Variants in TTLL11 observed in about 807,000 individuals in gnomAD.
TTLL11 encodes tubulin polyglutamylase TTLL11.
TTLL11 carries 42 observed loss-of-function variants against 51.7 expected under a neutral mutation model. The ratio of observed to expected loss-of-function variants is 0.81; its 90% confidence interval spans 0.64 to 1.05. The LOEUF (loss-of-function observed/expected upper bound fraction) is 1.05. Ranked by LOEUF, TTLL11 falls within the 50% of genes least tolerant of loss-of-function variation. The pLI, the probability that TTLL11 is intolerant of heterozygous loss-of-function variation, is 0.00. For missense variants in TTLL11, 799 were observed against 940.4 expected (o/e 0.85, Z 1.97); for synonymous variants, 381 against 383.5 (o/e 0.99, Z 0.08).
At chr9:121,952,271 C>T (rs753749904) in intron 6 of TTLL11, among the ~76,000 whole-genome samples, 1 of 151,946 alleles carries the variant, frequency 6.6e-6, no homozygotes, top group Non-Finnish European at 1.5e-5. Context: ...ACAGTGAAAC[C>T]CAGTCTCTAC....
At chr9:121,863,015 C>A (rs1838063061) in intron 7 of TTLL11, among the ~76,000 whole-genome samples, 1 of 152,130 alleles carries the variant, frequency 6.6e-6, no homozygotes. Context: ...CCTTGTATGC[C>A]AGCACACTTT....
At chr9:121,962,349 T>C (rs1171398356) in intron 6 of TTLL11, among the ~76,000 whole-genome samples, 1 of 152,172 alleles carries the variant, frequency 6.6e-6, no homozygotes, top group Non-Finnish European at 1.5e-5. Flanking sequence ...GGAACTATGA[T>C]GGGTGGTCCT....
At chr9:122,026,988 G>T (rs1009532584) in intron 3 of TTLL11, among the ~76,000 whole-genome samples, 1 of 151,840 alleles carries the variant, frequency 6.6e-6, no homozygotes, top group Non-Finnish European at 1.5e-5. Flanking sequence ...CTGAGACTGG[G>T]TAATTTATAA....
chr9:121,917,578 G>A (rs116800006), intron 6 of TTLL11, among the ~76,000 whole-genome samples: 2,767 of 134,734 alleles, frequency 0.021, 98 homozygotes, highest in African/African-American at 0.071. Flanking sequence ...AGAAAGAAAG[G>A]AAGGAAAAGA....
intron 3 of TTLL11, among the ~76,000 whole-genome samples, chr9:122,007,201 G>GA (rs962840367): frequency 6.6e-6 from 1 of 152,044 alleles, no homozygotes; most frequent in Non-Finnish European, 1.5e-5. Context: ...CTCATGAAAA[G>GA]AAACCAGGCT....
At chr9:122,023,094 AAC>A (rs1229325867) in intron 3 of TTLL11, among the ~76,000 whole-genome samples, 2 of 152,006 alleles carry the variant, frequency 1.3e-5, no homozygotes, top group Non-Finnish European at 2.9e-5. Flanking sequence ...AAAAATAAAA[AAC>A]ACAGATTACA....
chr9:122,044,260 G>T (rs1844937228), intron 1 of TTLL11, among the ~76,000 whole-genome samples: 1 of 152,048 alleles, frequency 6.6e-6, no homozygotes, highest in Admixed American at 6.5e-5. Flanking sequence ...GTCTATCATT[G>T]TTGGACATTT....
At chr9:121,906,199 C>T (rs1839939621) in intron 6 of TTLL11, among the ~76,000 whole-genome samples, 1 of 152,080 alleles carries the variant, frequency 6.6e-6, no homozygotes, top group Non-Finnish European at 1.5e-5. Context: ...ATTTTTTAGA[C>T]TCTTCTCCTC....
chr9:122,023,202 G>C (rs935418949), intron 3 of TTLL11, among the ~76,000 whole-genome samples: 2 of 151,854 alleles, frequency 1.3e-5, no homozygotes, highest in African/African-American at 4.8e-5. Context: ...TGAAAACTTA[G>C]AAAAAGTAGA....
chr9:121,953,977 A>C (rs1841939974), intron 6 of TTLL11, among the ~76,000 whole-genome samples: 1 of 152,212 alleles, frequency 6.6e-6, no homozygotes, highest in Admixed American at 6.5e-5. Context: ...TCAGTAGTCA[A>C]GCCCAAGCCC....
chr9:121,947,030 T>C (rs4837917), intron 6 of TTLL11, among the ~76,000 whole-genome samples: 34,275 of 151,982 alleles, frequency 0.23, 4,378 homozygotes, highest in Non-Finnish European at 0.3. Flanking sequence ...GAAACTCAGA[T>C]TAAAGATCCT....
intron 6 of TTLL11, among the ~76,000 whole-genome samples, chr9:121,894,875 G>A (rs1022082036): frequency 6.6e-6 from 1 of 152,086 alleles, no homozygotes; most frequent in African/African-American, 2.4e-5. Flanking sequence ...TTCTGCACGT[G>A]TATCCCAGAA....
chr9:122,031,034 C>A (rs751824300), intron 3 of TTLL11, among the ~76,000 whole-genome samples: 1 of 152,180 alleles, frequency 6.6e-6, no homozygotes, highest in African/African-American at 2.4e-5. Context: ...AGCCTTATCA[C>A]AATTAGACAG....
At chr9:121,936,654 C>T (rs1216141877) in intron 6 of TTLL11, among the ~76,000 whole-genome samples, 3 of 152,096 alleles carry the variant, frequency 2.0e-5, no homozygotes, top group East Asian at 1.9e-4. Context: ...AGAGCAGGCT[C>T]GTGCTAGAAA....
intron 6 of TTLL11, among the ~76,000 whole-genome samples, chr9:121,946,757 C>G (rs1209554514): frequency 1.3e-5 from 2 of 152,038 alleles, no homozygotes; most frequent in Admixed American, 6.5e-5. Flanking sequence ...TTTTTAAAAC[C>G]ATGTTCAGGC....
intron 6 of TTLL11, among the ~76,000 whole-genome samples, chr9:121,965,333 G>C (rs1842367831): frequency 6.6e-6 from 1 of 152,196 alleles, no homozygotes; most frequent in Admixed American, 6.5e-5. Context: ...GAGGCCTCAG[G>C]AAACTTACAA....
At chr9:121,922,246 T>C (rs540604131) in intron 6 of TTLL11, among the ~76,000 whole-genome samples, 5 of 152,236 alleles carry the variant, frequency 3.3e-5, no homozygotes, top group East Asian at 1.9e-4. Flanking sequence ...TTACATTTTA[T>C]TGATACTCTT....
At position 121,838,995 on chromosome 9, in the gene TTLL11, C is replaced by A. The variant is rs755446262; in HGVS notation, c.1841-16116G>T. Among the ~76,000 whole-genome samples the A allele has an allele frequency of 7.2e-5, 11 of 152,222 alleles. No homozygotes were observed. In the East Asian group the frequency reaches 7.7e-4, roughly 11 times the overall value. On this transcript the variant is annotated intron_variant, in intron 8 of 8. Transcript: ENST00000321582. ...CCCTGCGGGCCTTCATTTCGCAGAA[C>A]CTGCTCCCCGCATTCCCACCTTGGG...
At chr9:121,954,511 A>G (rs950725274) in intron 6 of TTLL11, among the ~76,000 whole-genome samples, 3 of 152,256 alleles carry the variant, frequency 2.0e-5, no homozygotes, top group African/African-American at 7.2e-5. Flanking sequence ...ATTTTTAGAA[A>G]CACAATCCTA....
Sources: allele counts gnomAD v4.1 joint callset (sites outside exome capture counted in the v4.1 genomes callset), GRCh38; gene constraint gnomAD v4.1.1; transcripts MANE v1.5; gene names NCBI Gene and HGNC (gene_info 2026-07-23, HGNC 2026-07-21).